The following NRXN3 variants were observed in gnomAD, a reference collection of about 807,000 sequenced individuals.
NRXN3 encodes the protein neurexin 3.
A neutral mutation model predicts 137.6 loss-of-function variants in NRXN3; 32 were observed. The observed-to-expected ratio is 0.23, with a 90% CI of 0.18 to 0.31. The LOEUF (loss-of-function observed/expected upper bound fraction) is 0.31, where lower values mean the gene tolerates loss of function less well. NRXN3 is among the 10% of genes least tolerant of loss of function. The pLI is 1.00. For synonymous variants in NRXN3, 798 were observed against 784.5 expected, an observed-to-expected ratio of 1.02 and a Z score of -0.29; for missense variants, 1,574 against 2,062.5, an observed-to-expected ratio of 0.76 and a Z score of 4.59.
intron 15 of NRXN3, among the ~76,000 whole-genome samples, chr14:79,383,811 C>G (rs1195924378): frequency 6.6e-6 from 1 of 152,150 alleles, no homozygotes; most frequent in Non-Finnish European, 1.5e-5. Flanking sequence ...AATTTAACTT[C>G]CTATAGATTT....
intron 4 of NRXN3, among the ~76,000 whole-genome samples, chr14:78,460,740 T>A (rs1331011432): frequency 6.6e-6 from 1 of 152,198 alleles, no homozygotes; most frequent in Non-Finnish European, 1.5e-5. Context: ...ATTCTATCCC[T>A]GTTGGGTCAA....
chr14:79,226,432 A>G (rs1324485258), intron 15 of NRXN3, among the ~76,000 whole-genome samples: 1 of 152,114 alleles, frequency 6.6e-6, no homozygotes, highest in Non-Finnish European at 1.5e-5. Context: ...CTTCAGGGCT[A>G]TTTTTTGGCC....
At chr14:78,866,794 C>CTTT (rs1208179961) in intron 10 of NRXN3, among the ~76,000 whole-genome samples, 19 of 119,086 alleles carry the variant, frequency 1.6e-4, no homozygotes, top group East Asian at 2.5e-4. Flanking sequence ...TTACCTTCAT[C>CTTT]TTTTTTTTTT....
At chr14:78,597,353 T>C (rs1431331449) in intron 4 of NRXN3, among the ~76,000 whole-genome samples, 1 of 152,246 alleles carries the variant, frequency 6.6e-6, no homozygotes, top group Non-Finnish European at 1.5e-5. Flanking sequence ...TAGAATCCTA[T>C]TTTTTCCAGG....
chr14:78,572,665 A>G (rs530304878), intron 4 of NRXN3, among the ~76,000 whole-genome samples: 28 of 152,346 alleles, frequency 1.8e-4, no homozygotes, highest in Non-Finnish European at 4.4e-5. Context: ...AGTTGTTGAC[A>G]TAGCAAGTTT....
At chr14:79,029,128 TAAAAG>T (rs1258316492) in intron 15 of NRXN3, among the ~76,000 whole-genome samples, 4 of 150,162 alleles carry the variant, frequency 2.7e-5, no homozygotes, top group Non-Finnish European at 5.9e-5. Flanking sequence ...AGGGAGGAAA[TAAAAG>T]AAAAAAGAAT....
At chr14:79,050,410 C>T (rs999345033) in intron 15 of NRXN3, among the ~76,000 whole-genome samples, 1 of 152,118 alleles carries the variant, frequency 6.6e-6, no homozygotes. Context: ...GTTAATGCAG[C>T]CCCATTTCTT....
intron 16 of NRXN3, among the ~76,000 whole-genome samples, chr14:79,482,591 A>G (rs1199980370): frequency 2.0e-5 from 3 of 152,164 alleles, no homozygotes; most frequent in African/African-American, 7.2e-5. Flanking sequence ...CTATTATTTC[A>G]TTTTGAAATT....
chr14:79,673,588 C>T (rs373158723), intron 17 of NRXN3, among the ~76,000 whole-genome samples: 220 of 152,168 alleles, frequency 1.4e-3, no homozygotes, highest in African/African-American at 5.0e-3. Context: ...TCCTCATCAC[C>T]GGGGTAGCTC....
intron 15 of NRXN3, among the ~76,000 whole-genome samples, chr14:79,112,618 T>C (rs373647113): frequency 2.6e-5 from 4 of 152,310 alleles, no homozygotes; most frequent in African/African-American, 4.8e-5. Flanking sequence ...CTTTCAGAAG[T>C]GTTGTCTGCA....
chr14:79,106,504 T>C (rs1020697477), intron 15 of NRXN3, among the ~76,000 whole-genome samples: 1 of 151,942 alleles, frequency 6.6e-6, no homozygotes, highest in Non-Finnish European at 1.5e-5. Flanking sequence ...GTTAAGTGCA[T>C]TAAAAAAAGA....
intron 4 of NRXN3, among the ~76,000 whole-genome samples, chr14:78,580,042 C>A (rs2096977584): frequency 6.6e-6 from 1 of 152,108 alleles, no homozygotes; most frequent in Non-Finnish European, 1.5e-5. Context: ...CCACACCTGT[C>A]ATGTGGTAAG....
At chr14:79,085,428 T>A (rs2047913329) in intron 15 of NRXN3, among the ~76,000 whole-genome samples, 1 of 152,200 alleles carries the variant, frequency 6.6e-6, no homozygotes, top group Non-Finnish European at 1.5e-5. Context: ...GGTGATGTCA[T>A]AATAAAGAAG....
chr14:78,477,797 G>C (rs1355591806), intron 4 of NRXN3, among the ~76,000 whole-genome samples: 7 of 152,164 alleles, frequency 4.6e-5, no homozygotes, highest in Non-Finnish European at 1.0e-4. Flanking sequence ...AACAAAGATT[G>C]AGTTACAAAA....
chr14:79,382,308 A>C (rs762396203), intron 15 of NRXN3, among the ~76,000 whole-genome samples: 1 of 152,190 alleles, frequency 6.6e-6, no homozygotes, highest in Non-Finnish European at 1.5e-5. Flanking sequence ...GAAAGTACAA[A>C]GATACCTTGC....
intron 15 of NRXN3, among the ~76,000 whole-genome samples, chr14:79,073,243 C>T (rs2088966): frequency 0.33 from 49,969 of 151,900 alleles, 8,729 homozygotes; most frequent in Admixed American, 0.47. Context: ...ACGGATATCC[C>T]CCCTTTTTTG....
chr14:79,807,003 G>T, intron 20 of NRXN3, among the ~76,000 whole-genome samples: 1 of 95,210 alleles, frequency 1.1e-5, no homozygotes, highest in Non-Finnish European at 1.9e-5. Flanking sequence ...TTTGAGATAG[G>T]GTCTCACTCT....
intron 20 of NRXN3, among the ~76,000 whole-genome samples, chr14:79,836,798 T>C (rs2099344936): frequency 1.3e-5 from 2 of 152,160 alleles, no homozygotes; most frequent in African/African-American, 2.4e-5. Context: ...ATTGTTTACA[T>C]AGCACCCACA....
chr14:79,022,984 C>T (rs987156749), intron 15 of NRXN3, among the ~76,000 whole-genome samples: 1 of 152,030 alleles, frequency 6.6e-6, no homozygotes, highest in Non-Finnish European at 1.5e-5. Context: ...GCCAAGCATC[C>T]ATAGGGAAGG....
Sources: gnomAD v4.1 joint callset for allele counts (sites outside exome capture counted in the v4.1 genomes callset) on GRCh38, gnomAD v4.1.1 for gene constraint, MANE v1.5 for transcripts, NCBI Gene and HGNC (gene_info 2026-07-23, HGNC 2026-07-21) for gene names.